ZRANB1: variants seen among roughly 807,000 people sequenced by gnomAD.
ZRANB1 encodes zinc finger RANBP2-type containing 1.
In ZRANB1, 16 loss-of-function variants were observed where a neutral mutation model predicts 80.5. That is an observed-to-expected ratio of 0.20 (90% CI 0.13 to 0.30). The LOEUF (loss-of-function observed/expected upper bound fraction) is 0.30, where lower values mean the gene tolerates loss of function less well. Ranked by LOEUF, ZRANB1 falls within the 10% of genes least tolerant of loss-of-function variation. The probability of loss-of-function intolerance (pLI) is 1.00; values close to 1 mark genes in which losing one functional copy is unlikely to be tolerated. For synonymous variants in ZRANB1, 291 were observed against 293.1 expected (o/e 0.99, Z 0.07); for missense variants, 576 against 862.6 (o/e 0.67, Z 4.16).
chr10:124,940,679 A>G (rs1227334308), upstream of ZRANB1: 1 of 484,168 alleles, frequency 2.1e-6, no homozygotes, highest in Non-Finnish European at 3.3e-6. Context: ...GTATACTTCA[A>G]AAGTGAAAGA....
In ZRANB1 at chr10:124,974,383, A is replaced by G. The variant is rs1456340543; in HGVS notation, c.1412A>G (p.His471Arg). The G allele has an allele frequency of 1.2e-6, 2 of 1,614,264 alleles. No homozygotes were observed. The highest frequency in any genetic ancestry group is 1.7e-6 in the Non-Finnish European group (2 of 1,180,036). Residue 471 changes from histidine to arginine, a missense_variant, in exon 5 of 9, where the codon CAT becomes CGT. Physicochemically the swap from His to Arg is conservative, Grantham distance 29. Around this residue, in one of 3 missense-constraint regions of ZRANB1, gnomAD observed 411 missense variants for 583.1 expected, o/e 0.70. Coordinates refer to ENST00000359653, the MANE Select transcript of ZRANB1 (RefSeq NM_017580.3). The part of the protein sequence containing the change: ...VLRKALHDSL[H>R]DCSHWFYTRW... ...CGGAAAGCCCTGCATGACAGCCTGC[A>G]TGACTGTTCACATTGGTGAGCTGGC...
chr10:124,983,822 C>A lies in ZRANB1; in HGVS notation c.1908+134C>A. 1 of 672,002 alleles carries A rather than the reference C, an allele frequency of 1.5e-6. No individual in the cohort carries two copies. The highest frequency in any genetic ancestry group is 2.5e-6 in the Non-Finnish European group (1 of 404,296). 41.6% of individuals were successfully genotyped at this position (672,002 alleles called of 1,614,324 possible). Reference sequence around the variant, plus strand: ...GTGATGGTAGTAATTGCTGAAGGTACTAGCTATACTTTGAAATTTACCTTT... The same window carrying A: ...GTGATGGTAGTAATTGCTGAAGGTAATAGCTATACTTTGAAATTTACCTTT... On this transcript the variant is annotated intron_variant, in intron 8 of 8. Coordinates refer to ENST00000359653, the MANE Select transcript of ZRANB1 (RefSeq NM_017580.3). The surrounding 1 kb of genome is among the most constrained non-coding windows in gnomAD (Gnocchi z 6.2).
chr10:124,984,488 T>G, intron 8 of ZRANB1: 1 of 341,738 alleles, frequency 2.9e-6, no homozygotes, highest in Non-Finnish European at 5.3e-6. Flanking sequence ...CTTGCCAGGA[T>G]CAGTTTATTA....
chr10:124,920,956 G>A, the ZRANB1 span, among the ~76,000 whole-genome samples: 1 of 152,128 alleles, frequency 6.6e-6, no homozygotes. Flanking sequence ...TATGCAGTTT[G>A]TACTGTAGTA....
the ZRANB1 span, among the ~76,000 whole-genome samples, chr10:124,932,376 G>C: frequency 3.5e-5 from 5 of 144,522 alleles, no homozygotes; most frequent in South Asian, 1.1e-3. Context: ...TGCAACCTCT[G>C]CCTCCTGGGT....
Position 124,942,825 on chromosome 10 carries a change from G to A in ZRANB1, c.332G>A (p.Arg111His), listed in dbSNP as rs149189667. Residue 111 changes from arginine to histidine, a missense_variant, in exon 1 of 9, where the codon CGT becomes CAT. Physicochemically the swap from Arg to His is conservative, Grantham distance 29. This residue lies in a region of ZRANB1 where 411 missense variants were observed against 583.1 expected (regional missense o/e 0.70). Coordinates refer to ENST00000359653, the MANE Select transcript of ZRANB1 (RefSeq NM_017580.3). ...AIRCTQCLSQRRTRSPTESPQ... is the reference protein window; with the variant it reads ...AIRCTQCLSQHRTRSPTESPQ... ...AGATGTACCCAGTGCTTATCCCAAC[G>A]TAGGACCAGGAGTCCTACAGAATCT... 2 of 1,614,070 alleles carry A rather than the reference G, an allele frequency of 1.2e-6. No individual in the cohort carries two copies. The highest frequency in any genetic ancestry group is 2.2e-5 in the East Asian group (1 of 44,896).
the ZRANB1 span, among the ~76,000 whole-genome samples, chr10:124,917,882 T>C: frequency 1.1e-4 from 17 of 152,268 alleles, no homozygotes; most frequent in Admixed American, 7.8e-4. Flanking sequence ...TTCTCTGCTA[T>C]GGTTTGGTGC....
the ZRANB1 span, among the ~76,000 whole-genome samples, chr10:124,921,087 A>G: frequency 6.6e-6 from 1 of 152,194 alleles, no homozygotes; most frequent in Non-Finnish European, 1.5e-5. Context: ...TGCCCTGTAG[A>G]GGATGTTCAG....
intron 2 of ZRANB1, among the ~76,000 whole-genome samples, chr10:124,967,186 C>A (rs1951783782): frequency 6.6e-6 from 1 of 152,148 alleles, no homozygotes; most frequent in Non-Finnish European, 1.5e-5. Context: ...AGCCTGTGCC[C>A]TGGTAGATGT....
intron 1 of ZRANB1, chr10:124,962,390 C>A (rs1951741034): frequency 1.0e-6 from 1 of 985,280 alleles, no homozygotes; most frequent in South Asian, 4.7e-5. Context: ...TAGTGTTGGG[C>A]TGGCCCATGT....
intron 2 of ZRANB1, 120 bp downstream of exon 2, chr10:124,966,901 C>G: frequency 1.1e-6 from 1 of 930,392 alleles, no homozygotes. Context: ...TTCTTTTACC[C>G]CCTTTTAAAA....
rs984673662 is a variant in ZRANB1, at chr10:124,986,002, A to G, written c.*1010A>G. On this transcript the variant is annotated 3_prime_UTR_variant, in exon 9 of 9. Coordinates refer to ENST00000359653, the MANE Select transcript of ZRANB1 (RefSeq NM_017580.3). The stretch of plus-strand genomic sequence containing the variant: ...ACAGAATAAAGATTTTAAAAATGCA[A>G]TAAGGTGGCAAATGCATTGTATGAA... 3 of 152,548 alleles carry G rather than the reference A, an allele frequency of 2.0e-5. No homozygotes were observed. The highest frequency in any genetic ancestry group is 2.9e-5 in the Non-Finnish European group (2 of 68,042). 9.4% of individuals were successfully genotyped at this position (152,548 alleles called of 1,614,324 possible). A position where few individuals can be genotyped will look rare whatever the true frequency, so the allele number is the denominator to read the frequency against.
At chr10:124,948,953 GCT>G (rs1296132786) in intron 1 of ZRANB1, among the ~76,000 whole-genome samples, 1 of 152,064 alleles carries the variant, frequency 6.6e-6, no homozygotes, top group African/African-American at 2.4e-5. Context: ...CTGCTTCCTA[GCT>G]CTCTATGTTT....
chr10:124,949,523 A>ACACAC (rs531718406), intron 1 of ZRANB1, among the ~76,000 whole-genome samples: 2 of 116,856 alleles, frequency 1.7e-5, no homozygotes, highest in African/African-American at 7.2e-5. Flanking sequence ...ACACACACAC[A>ACACAC]TTTTTTTTTT....
intron 3 of ZRANB1, among the ~76,000 whole-genome samples, chr10:124,972,741 C>G (rs958320088): frequency 4.0e-5 from 6 of 151,684 alleles, no homozygotes; most frequent in African/African-American, 1.5e-4. Flanking sequence ...TAAAATCTTT[C>G]ATCTGAGATT....
the ZRANB1 span, among the ~76,000 whole-genome samples, chr10:124,929,559 C>T: frequency 1.4e-4 from 21 of 150,012 alleles, no homozygotes; most frequent in East Asian, 1.7e-3. Flanking sequence ...AGGTTGGTCT[C>T]GATCTCCTGA....
the ZRANB1 span, among the ~76,000 whole-genome samples, chr10:124,926,703 A>C: frequency 6.6e-6 from 1 of 152,226 alleles, no homozygotes; most frequent in Admixed American, 6.5e-5. Context: ...TAACATACTT[A>C]TTATCATGAT....
intron 1 of ZRANB1, among the ~76,000 whole-genome samples, chr10:124,951,180 TTAG>T (rs1951636013): frequency 6.6e-6 from 1 of 152,232 alleles, no homozygotes; most frequent in Non-Finnish European, 1.5e-5. Context: ...AATTATTAAA[TTAG>T]TATTACTTTT....
chr10:124,951,106 A>C (rs1951635309), intron 1 of ZRANB1, among the ~76,000 whole-genome samples: 1 of 152,046 alleles, frequency 6.6e-6, no homozygotes, highest in South Asian at 2.1e-4. Context: ...TTGTTTTGGT[A>C]TTGATATTAA....
Sources: allele counts gnomAD v4.1 joint callset (sites outside exome capture counted in the v4.1 genomes callset), GRCh38; gene constraint gnomAD v4.1.1; regional missense constraint gnomAD v4.1.1; non-coding constraint Gnocchi (gnomAD v3.1); transcripts MANE v1.5; gene names NCBI Gene and HGNC (gene_info 2026-07-23, HGNC 2026-07-21).